The following KLC1 variants were observed in gnomAD, a reference collection of about 807,000 sequenced individuals.
KLC1 encodes the protein kinesin light chain 1.
Under a neutral mutation model 84.2 loss-of-function variants are expected in KLC1, and 30 were observed. That is an observed-to-expected ratio of 0.36 (90% CI 0.27 to 0.48). The LOEUF is 0.48. KLC1 is among the 20% of genes least tolerant of loss of function. KLC1 has a pLI of 0.99. For synonymous variants in KLC1, 289 were observed against 293.3 expected, an observed-to-expected ratio of 0.99 and a Z score of 0.15; for missense variants, 499 against 805.4, an observed-to-expected ratio of 0.62 and a Z score of 4.60.
At chr14:103,647,151 A>G (rs776322267) in intron 1 of KLC1, among the ~76,000 whole-genome samples, 4 of 152,102 alleles carry the variant, frequency 2.6e-5, no homozygotes, top group Admixed American at 6.6e-5. Context: ...TACCTTGTCT[A>G]TCCGAACTGT....
At chr14:103,665,992 C>A (rs1055670635) in intron 5 of KLC1, among the ~76,000 whole-genome samples, 2 of 151,600 alleles carry the variant, frequency 1.3e-5, no homozygotes, top group African/African-American at 4.9e-5. Flanking sequence ...TGTTACCTTG[C>A]ACATTTTTCT....
intron 11 of KLC1, 98 bp downstream of exon 11, chr14:103,675,854 C>T: frequency 3.2e-6 from 3 of 929,924 alleles, no homozygotes; most frequent in South Asian, 1.5e-5. Flanking sequence ...GTGTAGTGTT[C>T]CTTAAGTGCA....
In KLC1 at chr14:103,701,310, A is replaced by G. The variant is rs2083181484; in HGVS notation, c.*111A>G. The G allele has an allele frequency of 1.8e-5, 21 of 1,182,530 alleles. No individual in the cohort carries two copies. The highest frequency in any genetic ancestry group is 2.3e-5 in the Non-Finnish European group (19 of 829,636). 73.3% of individuals were successfully genotyped at this position (1,182,530 alleles called of 1,614,324 possible). On this transcript the variant is annotated 3_prime_UTR_variant, in exon 17 of 17. Coordinates refer to ENST00000334553, the MANE Select transcript of KLC1 (RefSeq NM_001394837.1). ...CCCCTGGCCGGGAGCCGCAGCGCTC[A>G]CTCATTTCTCCTGCGTCTGTGTGCA...
chr14:103,646,160 TA>T (rs2077906409), intron 1 of KLC1, among the ~76,000 whole-genome samples: 1 of 152,212 alleles, frequency 6.6e-6, no homozygotes, highest in Admixed American at 6.6e-5. Context: ...TTGTCTATTG[TA>T]AATTTGTTAG....
At position 103,693,345 on chromosome 14, in the gene KLC1, GTC is replaced by G. The variant is rs1027581797; in HGVS notation, c.1848+924_1848+925del. Among the ~76,000 whole-genome samples, 1 of 152,166 alleles carries G rather than the reference GTC, an allele frequency of 6.6e-6. No homozygotes were observed. The highest frequency in any genetic ancestry group is 2.4e-5 in the African/African-American group (1 of 41,512). ...ACCCCTAATGACAAGAGGAAAGAAA[GTC>G]TCTTCATTTTACAGGGTCCTGTAGC... is the stretch of plus-strand genomic sequence containing the variant. On this transcript the variant is annotated intron_variant, in intron 15 of 16. Transcript: ENST00000334553. The surrounding 1 kb of genome is among the most constrained non-coding windows in gnomAD (Gnocchi z 5.1).
chr14:103,680,207 C>G (rs2081236498), intron 13 of KLC1, among the ~76,000 whole-genome samples: 5 of 151,956 alleles, frequency 3.3e-5, no homozygotes, highest in Non-Finnish European at 7.3e-5. Flanking sequence ...TGCTGTTTAT[C>G]CAGTGGTTGC....
At chr14:103,668,701 G>T (rs1056158205) in intron 5 of KLC1, among the ~76,000 whole-genome samples, 1 of 151,966 alleles carries the variant, frequency 6.6e-6, no homozygotes. Context: ...GGATGGTCTC[G>T]ATCTTCTGAC....
intron 1 of KLC1, among the ~76,000 whole-genome samples, chr14:103,632,663 G>A (rs1009554718): frequency 6.6e-6 from 1 of 152,142 alleles, no homozygotes; most frequent in African/African-American, 2.4e-5. Flanking sequence ...AGAGGTTGCA[G>A]TGAGCCGAGA....
At chr14:103,672,160 G>T (rs1189158036) in intron 7 of KLC1, among the ~76,000 whole-genome samples, 4 of 152,160 alleles carry the variant, frequency 2.6e-5, no homozygotes, top group African/African-American at 4.8e-5. Context: ...GTTTCTCAGG[G>T]AAGGTCGGTG....
At chr14:103,686,914 A>G (rs2081812241) in intron 13 of KLC1, 167 bp from the exon 14 acceptor site, 1 of 341,336 alleles carries the variant, frequency 2.9e-6, no homozygotes. Context: ...TTCTAGTTAA[A>G]GTATATTCAC....
chr14:103,700,433 A>C, intron 15 of KLC1: 1 of 471,158 alleles, frequency 2.1e-6, no homozygotes, highest in East Asian at 3.6e-5. Flanking sequence ...AGCCATGGTG[A>C]TGGGGGAGGG....
At chr14:103,664,216 A>G (rs1022501839) in intron 5 of KLC1, among the ~76,000 whole-genome samples, 1 of 152,110 alleles carries the variant, frequency 6.6e-6, no homozygotes, top group Non-Finnish European at 1.5e-5. Context: ...CAGTGGTGCA[A>G]TCTCAGCTCA....
At position 103,673,471 on chromosome 14, in the gene KLC1, T is replaced by C. The variant is rs759970176; in HGVS notation, c.1261+40T>C. 5 of 1,293,152 alleles carry C rather than the reference T, an allele frequency of 3.9e-6. No individual in the cohort carries two copies. The South Asian group carries it at 5.2e-5, about 13-fold the overall frequency. The allele number at this position is 1,293,152 out of a possible 1,614,324, so 80.1% of individuals were successfully genotyped here. On this transcript the variant is annotated intron_variant, in intron 9 of 16. Coordinates refer to ENST00000334553, the MANE Select transcript of KLC1 (RefSeq NM_001394837.1). ...CCCGTTTCAAGTGAATTTAATTGTA[T>C]AATGACTTGACTAATAGTAATATAC... is the stretch of plus-strand genomic sequence containing the variant.
chr14:103,692,929 C>G (rs2082205924), intron 15 of KLC1, among the ~76,000 whole-genome samples: 1 of 152,248 alleles, frequency 6.6e-6, no homozygotes, highest in Admixed American at 6.5e-5. Context: ...ACAGACACAT[C>G]AGGTTTACAT....
chr14:103,665,672 A>G (rs1368425341), intron 5 of KLC1, among the ~76,000 whole-genome samples: 1 of 152,158 alleles, frequency 6.6e-6, no homozygotes, highest in African/African-American at 2.4e-5. Context: ...TCCTGACCTC[A>G]GGTGATCCAC....
chr14:103,681,059 A>G (rs1485576135), intron 13 of KLC1, among the ~76,000 whole-genome samples: 1 of 152,160 alleles, frequency 6.6e-6, no homozygotes, highest in Non-Finnish European at 1.5e-5. Context: ...GGATGAAAGC[A>G]GCTGCTCCTC....
intron 9 of KLC1, among the ~76,000 whole-genome samples, chr14:103,674,419 CTT>C (rs71460691): frequency 6.8e-6 from 1 of 146,710 alleles, no homozygotes. Flanking sequence ...TGCTTGTTTT[CTT>C]TTTTTTTTTT....
chr14:103,666,926 G>A (rs989760666), intron 5 of KLC1, among the ~76,000 whole-genome samples: 4 of 151,640 alleles, frequency 2.6e-5, no homozygotes, highest in Admixed American at 6.6e-5. Context: ...ACAGGTGCCC[G>A]CCAGCATGCC....
intron 1 of KLC1, among the ~76,000 whole-genome samples, chr14:103,647,248 G>A (rs2078013511): frequency 1.3e-5 from 2 of 151,328 alleles, no homozygotes; most frequent in Non-Finnish European, 2.9e-5. Flanking sequence ...TTTTGAGACG[G>A]AGTGTTGCTC....
Sources: gnomAD v4.1 joint callset for allele counts (sites outside exome capture counted in the v4.1 genomes callset) on GRCh38, gnomAD v4.1.1 for gene constraint, Gnocchi (gnomAD v3.1) non-coding constraint, MANE v1.5 for transcripts, NCBI Gene and HGNC (gene_info 2026-07-23, HGNC 2026-07-21) for gene names.